CPNE8: variants seen among roughly 807,000 people sequenced by gnomAD.
The protein encoded by CPNE8 is copine 8, also known as copine-8.
In CPNE8, 45 loss-of-function variants were observed where a neutral mutation model predicts 81.5. That is an observed-to-expected ratio of 0.55 (90% CI 0.44 to 0.71). CPNE8 has a LOEUF of 0.71. CPNE8 is among the 30% of genes least tolerant of loss of function. The pLI, the probability that CPNE8 is intolerant of heterozygous loss-of-function variation, is 0.00. For synonymous variants in CPNE8, 252 were observed against 226.3 expected (o/e 1.11, Z -1.02); for missense variants, 594 against 672.1 (o/e 0.88, Z 1.28).
chr12:38,693,736 T>C lies in CPNE8; in HGVS notation c.1064A>G (p.Asp355Gly), dbSNP rs753339984. Reference sequence around the variant, plus strand: ...TAGAGCTGGAAACATTTTATCACTGTCATAATCTTGAACAATTTCTCCCAC... The same window carrying C: ...TAGAGCTGGAAACATTTTATCACTGCCATAATCTTGAACAATTTCTCCCAC... ...KAVGEIVQDY[D>G]SDKMFPALGF... The change falls in exon 15 of 20, where the codon GAC (aspartate) becomes GGC (glycine). Residue 355 changes from aspartate to glycine, a missense_variant. Asp to Gly is a moderately conservative substitution (Grantham distance 94). Coordinates refer to ENST00000331366, the MANE Select transcript of CPNE8 (RefSeq NM_153634.3). 1 of 1,613,812 alleles carries C rather than the reference T, an allele frequency of 6.2e-7. No homozygotes were observed. The highest frequency in any genetic ancestry group is 8.5e-7 in the Non-Finnish European group (1 of 1,179,780).
intron 7 of CPNE8, among the ~76,000 whole-genome samples, 157 bp downstream of exon 7, chr12:38,776,081 G>T (rs776471179): frequency 6.6e-5 from 10 of 151,922 alleles, no homozygotes; most frequent in Non-Finnish European, 1.3e-4. Flanking sequence ...CAGTCTCTCT[G>T]GTCATAGGGC....
At chr12:38,864,896 A>G (rs1050812377) in intron 3 of CPNE8, among the ~76,000 whole-genome samples, 13 of 152,228 alleles carry the variant, frequency 8.5e-5, no homozygotes, top group African/African-American at 3.1e-4. Flanking sequence ...TTTGTTCATC[A>G]AAATACACTA....
intron 8 of CPNE8, among the ~76,000 whole-genome samples, chr12:38,764,123 C>G (rs1047774865): frequency 1.3e-5 from 2 of 152,098 alleles, no homozygotes; most frequent in African/African-American, 4.8e-5. Context: ...GTTCTCAGAG[C>G]TGACTCACCT....
chr12:38,707,648 T>A (rs1390746978), intron 13 of CPNE8, among the ~76,000 whole-genome samples: 1 of 152,202 alleles, frequency 6.6e-6, no homozygotes, highest in Non-Finnish European at 1.5e-5. Context: ...AGCAGAATCC[T>A]GAAGCATATT....
chr12:38,712,955 T>C (rs1397673416), intron 13 of CPNE8, among the ~76,000 whole-genome samples: 1 of 152,196 alleles, frequency 6.6e-6, no homozygotes, highest in Non-Finnish European at 1.5e-5. Context: ...ATTAGAACTT[T>C]GAGATTTTTC....
At chr12:38,860,313 A>C (rs1943810446) in intron 3 of CPNE8, among the ~76,000 whole-genome samples, 2 of 150,908 alleles carry the variant, frequency 1.3e-5, no homozygotes, top group African/African-American at 4.9e-5. Context: ...GCTCAACATC[A>C]CTAATCATTG....
chr12:38,906,266 T>C (rs1944570335), upstream of CPNE8: 2 of 985,240 alleles, frequency 2.0e-6, no homozygotes, highest in African/African-American at 3.5e-5. Context: ...GGTGGGGCAT[T>C]GTGACGCTCT....
chr12:38,769,594 G>A (rs1941759260), intron 7 of CPNE8, among the ~76,000 whole-genome samples: 1 of 152,092 alleles, frequency 6.6e-6, no homozygotes, highest in South Asian at 2.1e-4. Context: ...GACATTCCAA[G>A]GACATTGTTC....
chr12:38,784,379 C>T (rs1942125854), intron 6 of CPNE8, among the ~76,000 whole-genome samples: 1 of 151,946 alleles, frequency 6.6e-6, no homozygotes, highest in Non-Finnish European at 1.5e-5. Context: ...TAGAAAAAAG[C>T]CCCCAAAGGG....
upstream of CPNE8, chr12:38,906,453 G>A (rs932575709): frequency 1.0e-6 from 1 of 985,530 alleles, no homozygotes; most frequent in Admixed American, 6.1e-5. Flanking sequence ...TCCTCCTACA[G>A]TAAGGGCTCT....
At chr12:38,829,979 C>T (rs1943257644) in intron 5 of CPNE8, among the ~76,000 whole-genome samples, 1 of 152,140 alleles carries the variant, frequency 6.6e-6, no homozygotes, top group African/African-American at 2.4e-5. Context: ...CTGCAGTTTG[C>T]TCTTCTCTAT....
intron 7 of CPNE8, among the ~76,000 whole-genome samples, chr12:38,772,893 G>A (rs2136881715): frequency 6.6e-6 from 1 of 150,700 alleles, no homozygotes; most frequent in East Asian, 1.9e-4. Flanking sequence ...CAGATGAATA[G>A]ATACAGAAAA....
At chr12:38,677,413 G>T in intron 17 of CPNE8, 39 bp downstream of exon 17, 2 of 1,066,362 alleles carry the variant, frequency 1.9e-6, no homozygotes, top group Non-Finnish European at 2.9e-6. Context: ...GCACCATGTT[G>T]TCACGTAGCG....
chr12:38,905,470 G>T lies in CPNE8; in HGVS notation c.65C>A (p.Pro22Gln). ...CACGGACACCTCCACCCGCGTGGCC[G>T]GGATGGCAGCGCTCAGCTGGTTCAA... ...GDLNQLSAAI[P>Q]ATRVEVSVSC... Residue 22 changes from proline (P) to glutamine (Q), a missense_variant, in exon 1 of 20, where the codon CCG becomes CAG. Physicochemically the swap from Pro to Gln is moderately conservative, Grantham distance 76. Coordinates refer to ENST00000331366, the MANE Select transcript of CPNE8 (RefSeq NM_153634.3). 6.4e-7 allele frequency: 1 copy of T among 1,574,426 alleles called. No homozygotes were observed. Among genetic ancestry groups the T allele is most frequent in the Non-Finnish European group, 8.6e-7 (1 of 1,159,924 alleles).
chr12:38,767,808 A>G, intron 7 of CPNE8, 70 bp from the exon 8 acceptor site: 1 of 870,666 alleles, frequency 1.1e-6, no homozygotes, highest in Non-Finnish European at 1.7e-6. Context: ...GATCAGAAAC[A>G]AGACTTGACA....
chr12:38,901,356 A>G (rs888765198), intron 1 of CPNE8, among the ~76,000 whole-genome samples: 2 of 152,232 alleles, frequency 1.3e-5, no homozygotes, highest in African/African-American at 2.4e-5. Context: ...TGACTTCTCA[A>G]TCAGAGAAAA....
At chr12:38,807,767 T>C (rs1170546743) in intron 6 of CPNE8, among the ~76,000 whole-genome samples, 3 of 151,326 alleles carry the variant, frequency 2.0e-5, no homozygotes, top group Non-Finnish European at 4.4e-5. Context: ...CTAATTAAAC[T>C]AAAGAGCTTC....
At chr12:38,824,831 A>G (rs991449125) in intron 6 of CPNE8, among the ~76,000 whole-genome samples, 1 of 152,172 alleles carries the variant, frequency 6.6e-6, no homozygotes, top group Non-Finnish European at 1.5e-5. Context: ...GCCCATCCAG[A>G]TAGGGAAAAT....
At chr12:38,773,908 G>T (rs1941864151) in intron 7 of CPNE8, among the ~76,000 whole-genome samples, 1 of 151,848 alleles carries the variant, frequency 6.6e-6, no homozygotes, top group South Asian at 2.1e-4. Flanking sequence ...CAGGAATCAG[G>T]ACATAGAAAA....
Sources: allele counts gnomAD v4.1 joint callset (sites outside exome capture counted in the v4.1 genomes callset), GRCh38; gene constraint gnomAD v4.1.1; transcripts MANE v1.5; gene names NCBI Gene and HGNC (gene_info 2026-07-23, HGNC 2026-07-21).